Variants in NVL observed in about 807,000 individuals in gnomAD.
NVL encodes nuclear valosin-containing protein-like.
NVL carries 84 observed loss-of-function variants against 110.2 expected under a neutral mutation model. The ratio of observed to expected loss-of-function variants is 0.76; its 90% CI spans 0.64 to 0.91. The LOEUF (loss-of-function observed/expected upper bound fraction) is 0.91, where lower values mean the gene tolerates loss of function less well. Among genes scored for constraint, NVL ranks in the 40% least tolerant of loss-of-function variants. The pLI is 0.00. For missense variants in NVL, 882 were observed against 1,035.9 expected (o/e 0.85, Z 2.04); for synonymous variants, 354 against 361.1 (o/e 0.98, Z 0.22).
At chr1:224,317,391 A>G (rs1670194090) in intron 4 of NVL, among the ~76,000 whole-genome samples, 1 of 152,188 alleles carries the variant, frequency 6.6e-6, no homozygotes, top group African/African-American at 2.4e-5. Flanking sequence ...AAGCTAAGGA[A>G]ACATTTAAAA....
intron 10 of NVL, chr1:224,298,274 A>G: frequency 3.5e-6 from 1 of 284,188 alleles, no homozygotes; most frequent in Non-Finnish European, 6.7e-6. Flanking sequence ...TACTGTTCAA[A>G]AAGGAATGTC....
At chr1:224,283,713 A>C (rs1666597032) in intron 15 of NVL, among the ~76,000 whole-genome samples, 1 of 152,232 alleles carries the variant, frequency 6.6e-6, no homozygotes, top group Non-Finnish European at 1.5e-5. Flanking sequence ...ATGAAAGGGA[A>C]GTGCATTGAC....
At chr1:224,285,924 A>C (rs1666812677) in intron 15 of NVL, 102 bp downstream of exon 15, 1 of 773,810 alleles carries the variant, frequency 1.3e-6, no homozygotes, top group Non-Finnish European at 2.0e-6. Flanking sequence ...TCTGATAAAA[A>C]TTATGCATAA....
intron 4 of NVL, among the ~76,000 whole-genome samples, chr1:224,315,397 T>C (rs1194594344): frequency 6.6e-6 from 1 of 152,186 alleles, no homozygotes; most frequent in Non-Finnish European, 1.5e-5. Flanking sequence ...AAGGCCATAA[T>C]GAGAAATTTC....
chr1:224,284,102 T>C (rs1666633181), intron 15 of NVL, among the ~76,000 whole-genome samples: 1 of 152,058 alleles, frequency 6.6e-6, no homozygotes, highest in Non-Finnish European at 1.5e-5. Context: ...ACTTTACACA[T>C]AGGGAAGACA....
At chr1:224,296,020 A>G (rs1393970522) in intron 11 of NVL, among the ~76,000 whole-genome samples, 1 of 150,268 alleles carries the variant, frequency 6.7e-6, no homozygotes, top group African/African-American at 2.5e-5. Flanking sequence ...GGTCACAGCT[A>G]TTTGGGAGGC....
At chr1:224,271,896 C>T (rs971458623) in intron 17 of NVL, among the ~76,000 whole-genome samples, 1 of 151,934 alleles carries the variant, frequency 6.6e-6, no homozygotes, top group Admixed American at 6.6e-5. Flanking sequence ...CGCCTGTAAT[C>T]CCAGCTACTC....
At chr1:224,304,605 G>C (rs1042816015) in intron 8 of NVL, 131 bp downstream of exon 8, 2 of 736,344 alleles carry the variant, frequency 2.7e-6, no homozygotes, top group Non-Finnish European at 4.7e-6. Context: ...TACAGGTCAG[G>C]TTTGCCCTTC....
intron 19 of NVL, among the ~76,000 whole-genome samples, chr1:224,246,848 T>C (rs1025049691): frequency 6.6e-5 from 10 of 151,530 alleles, no homozygotes; most frequent in Admixed American, 1.3e-4. Context: ...CCAGCCTGGC[T>C]AACATGGTAA....
chr1:224,313,714 T>C (rs1247638982), intron 4 of NVL, among the ~76,000 whole-genome samples: 3 of 151,982 alleles, frequency 2.0e-5, no homozygotes, highest in Non-Finnish European at 4.4e-5. Context: ...AATAAAAATA[T>C]GATCAAGGCC....
chr1:224,227,697 A>G (rs775800904), intron 22 of NVL, 27 bp from the exon 23 acceptor site: 6 of 1,603,186 alleles, frequency 3.7e-6, no homozygotes, highest in Non-Finnish European at 5.1e-6. Context: ...CACAGAATAC[A>G]GAGACCGTCA....
At chr1:224,251,509 C>G (rs1260701540) in intron 18 of NVL, among the ~76,000 whole-genome samples, 1 of 150,464 alleles carries the variant, frequency 6.6e-6, no homozygotes, top group East Asian at 2.0e-4. Flanking sequence ...GTGTGGTGGT[C>G]CACACCTGTA....
At chr1:224,275,187 T>A (rs1454358601) in intron 17 of NVL, 152 bp downstream of exon 17, 1 of 864,310 alleles carries the variant, frequency 1.2e-6, no homozygotes, top group East Asian at 2.5e-5. Flanking sequence ...ATACAACTGC[T>A]ATCTCTAGGA....
intron 5 of NVL, among the ~76,000 whole-genome samples, chr1:224,308,703 AAAAAG>A (rs1277550773): frequency 6.7e-6 from 1 of 149,692 alleles, no homozygotes; most frequent in Non-Finnish European, 1.5e-5. Flanking sequence ...AAAAAAAAAA[AAAAAG>A]AAAAGAATAT....
At chr1:224,289,034 A>T (rs981549561) in intron 13 of NVL, among the ~76,000 whole-genome samples, 2 of 152,324 alleles carry the variant, frequency 1.3e-5, no homozygotes, top group East Asian at 3.9e-4. Context: ...CAATGCTGAA[A>T]TAGGGGTTGA....
intron 2 of NVL, among the ~76,000 whole-genome samples, chr1:224,325,324 C>T (rs1293635315): frequency 6.6e-6 from 1 of 151,176 alleles, no homozygotes; most frequent in Non-Finnish European, 1.5e-5. Flanking sequence ...GTCATCCTAG[C>T]ACTTAGGGAG....
intron 5 of NVL, among the ~76,000 whole-genome samples, chr1:224,310,459 C>T (rs1183439638): frequency 1.3e-5 from 2 of 152,160 alleles, no homozygotes. Flanking sequence ...ATCTCCTTGA[C>T]AAAAAGTATA....
chr1:224,307,698 CAAAAAAAAAAAAAAA>C (rs11366790), intron 6 of NVL, among the ~76,000 whole-genome samples: 122 of 67,480 alleles, frequency 1.8e-3, no homozygotes, highest in African/African-American at 5.4e-3. Context: ...GACCCAGTCT[CAAAAAAAAAAAAAAA>C]AAAAAAAAGC....
At chr1:224,229,193 G>A (rs1659577292) in intron 22 of NVL, among the ~76,000 whole-genome samples, 1 of 151,798 alleles carries the variant, frequency 6.6e-6, no homozygotes, top group Admixed American at 6.6e-5. Context: ...CTACTCGGGA[G>A]GCTGAAGCAG....
Sources: allele counts gnomAD v4.1 joint callset (sites outside exome capture counted in the v4.1 genomes callset), GRCh38; gene constraint gnomAD v4.1.1; transcripts MANE v1.5; gene names NCBI Gene and HGNC (gene_info 2026-07-23, HGNC 2026-07-21).